Variants in TRPM3 observed in about 807,000 individuals in gnomAD.
The protein encoded by TRPM3 is transient receptor potential cation channel subfamily M member 3, also known as long transient receptor potential channel 3.
Under a neutral mutation model 181.2 loss-of-function variants are expected in TRPM3, and 77 were observed. The ratio of observed to expected loss-of-function variants is 0.42; its 90% CI spans 0.35 to 0.51. The LOEUF (loss-of-function observed/expected upper bound fraction) is 0.51, where lower values mean the gene tolerates loss of function less well. Ranked by LOEUF, TRPM3 falls within the 20% of genes least tolerant of loss-of-function variation. The pLI is 0.01. For missense variants in TRPM3, 1,759 were observed against 2,196.7 expected (o/e 0.80, Z 3.98); for synonymous variants, 745 against 796.4 (o/e 0.94, Z 1.09).
chr9:71,360,236 C>T (rs193268209), intron 1 of TRPM3, among the ~76,000 whole-genome samples: 1 of 152,140 alleles, frequency 6.6e-6, no homozygotes, highest in Non-Finnish European at 1.5e-5. Context: ...TAGCCCAAGA[C>T]TCAGGAGTCA....
intron 1 of TRPM3, among the ~76,000 whole-genome samples, chr9:70,902,757 C>A (rs117572624): frequency 6.6e-6 from 1 of 152,148 alleles, no homozygotes; most frequent in Non-Finnish European, 1.5e-5. Flanking sequence ...CCTAATGCAT[C>A]CCTCATGAGT....
rs1481786574 is a variant in TRPM3, at chr9:71,236,836, C to A, written c.183+209817G>T. ...CAGAAGTGGGCAGATAACCTGAGGT[C>A]AGGAGTTCGAGGCTAGCCTGGCCAA... On this transcript the variant is annotated intron_variant, in intron 1 of 24. Transcript: ENST00000357533. Among the ~76,000 whole-genome samples, 4 of 152,094 alleles carry A rather than the reference C, an allele frequency of 2.6e-5. No individual in the cohort carries two copies. In the East Asian group the frequency reaches 5.8e-4, roughly 22 times the overall value.
intron 1 of TRPM3, among the ~76,000 whole-genome samples, chr9:71,192,743 T>C (rs1201596556): frequency 6.6e-6 from 1 of 151,874 alleles, no homozygotes; most frequent in Non-Finnish European, 1.5e-5. Context: ...TTGCTATGCA[T>C]AAACTTTTTA....
chr9:71,217,008 T>G (rs1382689065), intron 1 of TRPM3, among the ~76,000 whole-genome samples: 1 of 124,404 alleles, frequency 8.0e-6, no homozygotes, highest in African/African-American at 3.1e-5. Flanking sequence ...TGGAGTGCAG[T>G]GGCGCGATCT....
At chr9:71,094,473 A>T (rs774241317) in intron 1 of TRPM3, among the ~76,000 whole-genome samples, 3 of 152,040 alleles carry the variant, frequency 2.0e-5, no homozygotes, top group Non-Finnish European at 2.9e-5. Context: ...CTGCTTCTCT[A>T]CTTCTTTTCT....
At chr9:71,278,622 C>A (rs1295316362) in intron 1 of TRPM3, among the ~76,000 whole-genome samples, 1 of 152,152 alleles carries the variant, frequency 6.6e-6, no homozygotes, top group Non-Finnish European at 1.5e-5. Context: ...CTAGATATGA[C>A]ATCAAAGGCT....
intron 1 of TRPM3, among the ~76,000 whole-genome samples, chr9:71,250,587 G>A (rs2082286422): frequency 6.6e-6 from 1 of 152,140 alleles, no homozygotes; most frequent in African/African-American, 2.4e-5. Context: ...TGTTCAGGGA[G>A]ACATTAATGA....
chr9:71,154,631 G>A (rs1451603756), intron 1 of TRPM3, among the ~76,000 whole-genome samples: 1 of 152,156 alleles, frequency 6.6e-6, no homozygotes, highest in Non-Finnish European at 1.5e-5. Flanking sequence ...TCCAGGTTTA[G>A]ACTGTCCTTT....
chr9:70,764,129 C>G (rs1346644498), intron 7 of TRPM3, among the ~76,000 whole-genome samples: 2 of 152,090 alleles, frequency 1.3e-5, no homozygotes, highest in East Asian at 3.9e-4. Context: ...TTTTATCCCC[C>G]AGACAATGAA....
chr9:70,811,046 A>G (rs1013606415), intron 6 of TRPM3: 1 of 730,602 alleles, frequency 1.4e-6, no homozygotes, highest in Non-Finnish European at 2.3e-6. Flanking sequence ...GTCAGAAGAG[A>G]TAGAGATAAA....
chr9:71,344,565 G>T (rs764900716), intron 1 of TRPM3, among the ~76,000 whole-genome samples: 33 of 152,142 alleles, frequency 2.2e-4, no homozygotes, highest in Admixed American at 4.6e-4. Flanking sequence ...CTCACAAGTT[G>T]CTTATTAGTT....
At chr9:70,762,862 G>A (rs1032750068) in intron 7 of TRPM3, among the ~76,000 whole-genome samples, 1 of 152,120 alleles carries the variant, frequency 6.6e-6, no homozygotes, top group Non-Finnish European at 1.5e-5. Flanking sequence ...ACCACACCAT[G>A]TTGCCTCTGT....
At chr9:71,209,380 G>GTA (rs1554846863) in intron 1 of TRPM3, among the ~76,000 whole-genome samples, 2 of 110,306 alleles carry the variant, frequency 1.8e-5, no homozygotes, top group East Asian at 5.4e-4. Context: ...GGGAGAAGAG[G>GTA]GGGTAGGGAG....
chr9:71,294,527 A>T (rs2086094482), intron 1 of TRPM3, among the ~76,000 whole-genome samples: 1 of 152,144 alleles, frequency 6.6e-6, no homozygotes, highest in South Asian at 2.1e-4. Context: ...CCACTGAAGG[A>T]AAATGTAATT....
intron 1 of TRPM3, among the ~76,000 whole-genome samples, chr9:70,981,983 T>A (rs1308438114): frequency 6.6e-6 from 1 of 152,170 alleles, no homozygotes; most frequent in Non-Finnish European, 1.5e-5. Context: ...TATACTGGTG[T>A]AACTCAAGCA....
chr9:71,401,196 G>A (rs1283791340), intron 1 of TRPM3, among the ~76,000 whole-genome samples: 5 of 52,680 alleles, frequency 9.5e-5, no homozygotes, highest in South Asian at 1.5e-3. Flanking sequence ...AGACACCATC[G>A]CAAAAAAAAA....
intron 6 of TRPM3, among the ~76,000 whole-genome samples, chr9:70,787,630 A>G (rs1564288847): frequency 6.6e-6 from 1 of 152,160 alleles, no homozygotes; most frequent in African/African-American, 2.4e-5. Flanking sequence ...AATGACCTGA[A>G]GTAGTCTGTA....
At chr9:71,283,378 G>A (rs935755567) in intron 1 of TRPM3, among the ~76,000 whole-genome samples, 1 of 152,012 alleles carries the variant, frequency 6.6e-6, no homozygotes, top group Non-Finnish European at 1.5e-5. Context: ...CTCACTGCAA[G>A]CTGTGCCTCC....
chr9:70,853,014 A>C (rs2095283851), intron 3 of TRPM3, among the ~76,000 whole-genome samples: 1 of 152,130 alleles, frequency 6.6e-6, no homozygotes, highest in South Asian at 2.1e-4. Flanking sequence ...CTATGTTGCA[A>C]GAGCTTTGAG....
Sources: allele counts gnomAD v4.1 joint callset (sites outside exome capture counted in the v4.1 genomes callset), GRCh38; gene constraint gnomAD v4.1.1; transcripts MANE v1.5; gene names NCBI Gene and HGNC (gene_info 2026-07-23, HGNC 2026-07-21).